Variants in CCSER1 observed in about 807,000 individuals in gnomAD.
The protein encoded by CCSER1 is serine-rich coiled-coil domain-containing protein 1.
Under a neutral mutation model 82.0 loss-of-function variants are expected in CCSER1, and 41 were observed. The ratio of observed to expected loss-of-function variants is 0.50; its 90% CI spans 0.39 to 0.65. The LOEUF is 0.65. Among genes scored for constraint, CCSER1 ranks in the 30% least tolerant of loss-of-function variants. The pLI is 0.00. For synonymous variants in CCSER1, 414 were observed against 383.9 expected, an observed-to-expected ratio of 1.08 and a Z score of -0.92; for missense variants, 1,119 against 1,064.2, an observed-to-expected ratio of 1.05 and a Z score of -0.72.
intron 4 of CCSER1, among the ~76,000 whole-genome samples, chr4:90,448,511 T>C (rs921181561): frequency 7.1e-6 from 1 of 140,430 alleles, no homozygotes; most frequent in African/African-American, 2.6e-5. Flanking sequence ...TGTTTTCTAC[T>C]TCTGTAGTAT....
chr4:91,251,879 C>T (rs1534559), intron 10 of CCSER1, among the ~76,000 whole-genome samples: 38,501 of 151,946 alleles, frequency 0.25, 5,004 homozygotes, highest in South Asian at 0.38. Context: ...GCCATCGAAT[C>T]TGTGTGAGTA....
At chr4:90,634,345 C>G (rs1166111671) in intron 6 of CCSER1, among the ~76,000 whole-genome samples, 1 of 151,632 alleles carries the variant, frequency 6.6e-6, no homozygotes, top group East Asian at 1.9e-4. Flanking sequence ...TTTTCTTTTT[C>G]TTTTCTCTAC....
intron 7 of CCSER1, among the ~76,000 whole-genome samples, chr4:90,751,250 G>A (rs1561071529): frequency 6.6e-6 from 1 of 152,052 alleles, no homozygotes; most frequent in Non-Finnish European, 1.5e-5. Context: ...AAAAAATACA[G>A]GATGAGATTT....
At chr4:90,241,844 A>G (rs903499532) in intron 1 of CCSER1, among the ~76,000 whole-genome samples, 4 of 152,246 alleles carry the variant, frequency 2.6e-5, no homozygotes, top group African/African-American at 9.6e-5. Flanking sequence ...TATAAAAACT[A>G]TTATGATTCA....
At chr4:91,007,647 G>C (rs1039379037) in intron 9 of CCSER1, among the ~76,000 whole-genome samples, 1 of 147,570 alleles carries the variant, frequency 6.8e-6, no homozygotes, top group Non-Finnish European at 1.5e-5. Context: ...TAGTTACTCT[G>C]GCTAAACATT....
At chr4:91,271,985 A>T (rs1742071888) in intron 10 of CCSER1, among the ~76,000 whole-genome samples, 1 of 152,066 alleles carries the variant, frequency 6.6e-6, no homozygotes. Context: ...AACTCCTGAT[A>T]CCACAGTTTC....
At chr4:90,175,237 T>G (rs1459433456) in intron 1 of CCSER1, among the ~76,000 whole-genome samples, 2 of 151,866 alleles carry the variant, frequency 1.3e-5, no homozygotes, top group Non-Finnish European at 1.5e-5. Context: ...TTATGCTGAG[T>G]GAAAGGGGCT....
intron 10 of CCSER1, among the ~76,000 whole-genome samples, chr4:91,508,179 T>TC (rs1330780668): frequency 2.4e-4 from 33 of 139,590 alleles, no homozygotes; most frequent in Admixed American, 1.8e-3. Context: ...TTTTTTTTTT[T>TC]CCTGATCTTG....
intron 10 of CCSER1, among the ~76,000 whole-genome samples, chr4:91,246,362 A>C (rs1226381021): frequency 1.3e-5 from 2 of 152,206 alleles, no homozygotes; most frequent in African/African-American, 4.8e-5. Context: ...TGAGAAACGT[A>C]CAACAGATAC....
chr4:91,206,756 G>T (rs1419643906), intron 10 of CCSER1, among the ~76,000 whole-genome samples: 2 of 151,834 alleles, frequency 1.3e-5, no homozygotes, highest in Non-Finnish European at 2.9e-5. Context: ...GGCCATAGTA[G>T]ACAGCCAGAC....
At chr4:91,248,225 G>T (rs1581839802) in intron 10 of CCSER1, among the ~76,000 whole-genome samples, 1 of 152,130 alleles carries the variant, frequency 6.6e-6, no homozygotes, top group Non-Finnish European at 1.5e-5. Flanking sequence ...ACAAATAAAT[G>T]AGGCAAATCT....
intron 10 of CCSER1, among the ~76,000 whole-genome samples, chr4:91,338,442 G>A (rs925644842): frequency 1.3e-5 from 2 of 152,030 alleles, no homozygotes; most frequent in Non-Finnish European, 1.5e-5. Flanking sequence ...AATTCTTGAA[G>A]AATCAAAGAT....
chr4:91,228,815 G>A (rs994580643), intron 10 of CCSER1, among the ~76,000 whole-genome samples: 3 of 152,082 alleles, frequency 2.0e-5, no homozygotes, highest in African/African-American at 2.4e-5. Context: ...CAGAACATAC[G>A]AGGAAGGCTG....
At chr4:91,269,992 A>G (rs1225937609) in intron 10 of CCSER1, among the ~76,000 whole-genome samples, 2 of 152,206 alleles carry the variant, frequency 1.3e-5, no homozygotes, top group Non-Finnish European at 2.9e-5. Flanking sequence ...TGAATTGAAA[A>G]GAAGCTATTT....
At chr4:90,829,187 C>A (rs1178290880) in intron 8 of CCSER1, among the ~76,000 whole-genome samples, 2 of 152,024 alleles carry the variant, frequency 1.3e-5, no homozygotes, top group South Asian at 2.1e-4. Context: ...ACTAAGGAAA[C>A]AACGTTCAAC....
intron 10 of CCSER1, among the ~76,000 whole-genome samples, chr4:91,497,695 A>G (rs1373427692): frequency 6.6e-6 from 1 of 151,842 alleles, no homozygotes; most frequent in Non-Finnish European, 1.5e-5. Context: ...AAATTAGGAT[A>G]GGATAGGTTT....
chr4:90,561,941 A>G (rs1261996605), intron 5 of CCSER1, among the ~76,000 whole-genome samples: 1 of 152,102 alleles, frequency 6.6e-6, no homozygotes. Flanking sequence ...TAATCCCAGC[A>G]CTTTGGGAGG....
chr4:90,898,336 GTAAT>G (rs1359344303), intron 8 of CCSER1, among the ~76,000 whole-genome samples: 1 of 128,144 alleles, frequency 7.8e-6, no homozygotes, highest in East Asian at 2.3e-4. Context: ...AGGCTGGAGT[GTAAT>G]AGCACGATCT....
At chr4:91,180,159 C>A (rs1422506238) in intron 10 of CCSER1, among the ~76,000 whole-genome samples, 1 of 152,278 alleles carries the variant, frequency 6.6e-6, no homozygotes, top group Non-Finnish European at 1.5e-5. Context: ...CTGCCTCATC[C>A]TTCCTCTGAA....
Sources: allele counts gnomAD v4.1 joint callset (sites outside exome capture counted in the v4.1 genomes callset), GRCh38; gene constraint gnomAD v4.1.1; transcripts MANE v1.5; gene names NCBI Gene and HGNC (gene_info 2026-07-23, HGNC 2026-07-21).